REXO1: variants seen among roughly 807,000 people sequenced by gnomAD.
REXO1 encodes the protein REX1, RNA exonuclease 1 homolog.
REXO1 carries 42 observed loss-of-function variants against 102.6 expected under a neutral mutation model. The observed-to-expected ratio is 0.41, with a 90% confidence interval of 0.32 to 0.53. The LOEUF (loss-of-function observed/expected upper bound fraction) is 0.53, where lower values mean the gene tolerates loss of function less well. REXO1 is among the 20% of genes least tolerant of loss of function. REXO1 has a pLI of 0.27. For missense variants in REXO1, 1,819 were observed against 1,732.5 expected, an observed-to-expected ratio of 1.05 and a Z score of -0.89; for synonymous variants, 908 against 779.1, an observed-to-expected ratio of 1.17 and a Z score of -2.76.
chr19:1,815,573 A>C lies in REXO1; in HGVS notation c.*493T>G. 26 of 628,110 alleles carry C rather than the reference A, an allele frequency of 4.1e-5. No homozygotes were observed. Among genetic ancestry groups the C allele is most frequent in the East Asian group, 8.0e-5 (1 of 12,520 alleles). 38.9% of individuals were successfully genotyped at this position (628,110 alleles called of 1,614,324 possible). On this transcript the variant is annotated 3_prime_UTR_variant, in exon 16 of 16. Transcript: ENST00000170168. The surrounding 1 kb of genome is among the most constrained non-coding windows in gnomAD (Gnocchi z 4.0). Reference sequence around the variant, plus strand: ...GTCTGTCCCACCCCCACCCCGCAGGAGGGAAGGCAGCAGGCCCGCTCTTCC... The same window carrying C: ...GTCTGTCCCACCCCCACCCCGCAGGCGGGAAGGCAGCAGGCCCGCTCTTCC...
intron 1 of REXO1, among the ~76,000 whole-genome samples, chr19:1,828,984 G>A (rs1334123595): frequency 6.6e-6 from 1 of 152,272 alleles, no homozygotes; most frequent in Admixed American, 6.5e-5. Flanking sequence ...GCAGGCGGGT[G>A]TGGAGCTCCC....
chr19:1,827,431 C>T lies in REXO1; in HGVS notation c.1358G>A (p.Arg453Gln), dbSNP rs768816944. 1.5e-5 allele frequency: 24 copies of T among 1,550,984 alleles called. No homozygotes were observed. Among genetic ancestry groups the T allele is most frequent in the Middle Eastern group, 1.8e-4 (1 of 5,448 alleles). Residue 453 changes from arginine (R) to glutamine (Q), a missense_variant, in exon 2 of 16, where the codon CGG (arginine) becomes CAG (glutamine). By Grantham distance (43) the Arg-to-Gln change is conservative. Transcript: ENST00000170168. ...VATSGKGRPD[R>Q]PARRPSPTSG... ...TGTGGGGCTCGGCCGCCGCGCTGGC[C>T]GGTCAGGCCTCCCTTTCCCTGAGGT... is the stretch of plus-strand genomic sequence containing the variant.
rs773232891 is a variant in REXO1, at chr19:1,827,299, G to A, written c.1490C>T (p.Ala497Val). The change falls in exon 2 of 16, where the codon GCC becomes GTC. Residue 497 changes from alanine (A) to valine (V), a missense_variant. Physicochemically the swap from Ala to Val is moderately conservative, Grantham distance 64. Coordinates refer to ENST00000170168, the MANE Select transcript of REXO1 (RefSeq NM_020695.4). Reference sequence around the variant, plus strand: ...GGAGGCGCCCTCGTCTAGTGAGCGGGCTTTCCGCTCCACTAGCTTCCCCGA... The same window carrying A: ...GGAGGCGCCCTCGTCTAGTGAGCGGACTTTCCGCTCCACTAGCTTCCCCGA... ...APSGKLVERK[A>V]RSLDEGASQD... 40 of 1,563,756 alleles carry A rather than the reference G, an allele frequency of 2.6e-5. No individual in the cohort carries two copies. The highest frequency in any genetic ancestry group is 9.4e-5 in the East Asian group (4 of 42,576).
In REXO1 at chr19:1,827,928, T is replaced by G. The variant is rs144940979; in HGVS notation, c.861A>C (p.Ser287=). The G allele has an allele frequency of 1.0e-3, 1,609 of 1,613,736 alleles. 2 individuals are homozygous for G. Among genetic ancestry groups the G allele is most frequent in the Non-Finnish European group, 1.3e-3 (1,498 of 1,179,868 alleles). ...CCGTGGCGGCCTCATCTTCTGAGTC[T>G]GAGAACCTTGCATCGCAACTGCCAA... ...DPFGSCDARF[S]DSEDEAATVP... The change falls in exon 2 of 16, where the codon TCA becomes TCC. Residue 287 remains serine (S), a synonymous_variant. Transcript: ENST00000170168.
chr19:1,840,662 C>T (rs1434141264), intron 1 of REXO1, among the ~76,000 whole-genome samples: 1 of 151,966 alleles, frequency 6.6e-6, no homozygotes. Context: ...TGAGTGACAC[C>T]CGGGCCCGCC....
Position 1,815,907 on chromosome 19 carries a change from G to A in REXO1, c.*159C>T, listed in dbSNP as rs1279941917. On this transcript the variant is annotated 3_prime_UTR_variant, in exon 16 of 16. Coordinates refer to ENST00000170168, the MANE Select transcript of REXO1 (RefSeq NM_020695.4). The surrounding 1 kb of genome is among the most constrained non-coding windows in gnomAD (Gnocchi z 4.0). ...TGCGGCAGGACGTGAGCGGGGGTGG[G>A]CTGGGCTGGGCGTTCTCTGGCCGCC... is the stretch of plus-strand genomic sequence containing the variant. 2.6e-6 allele frequency: 4 copies of A among 1,530,778 alleles called. No individual in the cohort carries two copies. In the African/African-American group the frequency reaches 5.5e-5, roughly 21 times the overall value. 94.8% of individuals were successfully genotyped at this position (1,530,778 alleles called of 1,614,324 possible).
intron 3 of REXO1, among the ~76,000 whole-genome samples, chr19:1,825,299 C>CAAAAAAAAA (rs34910037): frequency 1.6e-5 from 1 of 61,192 alleles, no homozygotes; most frequent in Admixed American, 2.0e-4. Context: ...GACTCCGTCT[C>CAAAAAAAAA]AAAAAAAAAA....
At chr19:1,816,920 C>A in intron 12 of REXO1, 107 bp from the exon 13 acceptor site, 1 of 876,366 alleles carries the variant, frequency 1.1e-6, no homozygotes. Flanking sequence ...AGGCAGTGAC[C>A]AGAGACTCTG....
At chr19:1,845,794 G>A (rs907503937) in intron 1 of REXO1, among the ~76,000 whole-genome samples, 2 of 152,148 alleles carry the variant, frequency 1.3e-5, no homozygotes, top group African/African-American at 4.8e-5. Context: ...GGGCCCAGGA[G>A]CACCAGCCAC....
At chr19:1,825,042 G>A (rs950923539) in intron 3 of REXO1, among the ~76,000 whole-genome samples, 1 of 150,248 alleles carries the variant, frequency 6.7e-6, no homozygotes, top group Non-Finnish European at 1.5e-5. Flanking sequence ...ACCTCTGGGC[G>A]CAGTGCCTCA....
In REXO1 at chr19:1,816,048, G is replaced by A. The variant is rs2069351522; in HGVS notation, c.*18C>T. 1.9e-6 allele frequency: 3 copies of A among 1,540,700 alleles called. No homozygotes were observed. Among genetic ancestry groups the A allele is most frequent in the Middle Eastern group, 1.7e-4 (1 of 6,014 alleles). On this transcript the variant is annotated 3_prime_UTR_variant, in exon 16 of 16. Coordinates refer to ENST00000170168, the MANE Select transcript of REXO1 (RefSeq NM_020695.4). ...ACCAGCGGGACGGCAGGAGAGGCGG[G>A]TGGGAGGCGGGCAGGCGTCATCGCT...
rs990022759 is a variant in REXO1 at position 1,834,310 on chromosome 19, G to T, written c.158-5679C>A. ...CTTTTGGAAGGTCTTGGAAGGAATA[G>T]CACCTGCCTCCCAGGAGTGGAGCCA... On this transcript the variant is annotated intron_variant, in intron 1 of 15. Transcript: ENST00000170168. Among the ~76,000 whole-genome samples, 6 of 152,304 alleles carry T rather than the reference G, an allele frequency of 3.9e-5. No homozygotes were observed. In the South Asian group the frequency reaches 8.3e-4, roughly 21 times the overall value.
intron 13 of REXO1, 48 bp downstream of exon 13, chr19:1,816,650 G>A: frequency 1.3e-6 from 2 of 1,599,824 alleles, no homozygotes; most frequent in Non-Finnish European, 1.7e-6. Flanking sequence ...GGTCCCTGGG[G>A]AGAGGCGGCT....
chr19:1,834,370 G>A (rs1568710061), intron 1 of REXO1, among the ~76,000 whole-genome samples: 2 of 152,170 alleles, frequency 1.3e-5, no homozygotes, highest in Non-Finnish European at 2.9e-5. Context: ...GGTGATAAGG[G>A]TCCAATCTGG....
Position 1,821,484 on chromosome 19 carries a change from G to C in REXO1, c.2394+35C>G, listed in dbSNP as rs377353220. The C allele has an allele frequency of 4.3e-6, 7 of 1,612,530 alleles. No homozygotes were observed. In the African/African-American group the frequency reaches 6.7e-5, roughly 15 times the overall value. ...GGCCGGGCCTCAGGGCGTGGTCTTGGGGGTGGTGGTCCTGGCCGAGATGGG... is the reference window on the plus strand; with the variant it reads ...GGCCGGGCCTCAGGGCGTGGTCTTGCGGGTGGTGGTCCTGGCCGAGATGGG... On this transcript the variant is annotated intron_variant, in intron 5 of 15. Coordinates refer to ENST00000170168, the MANE Select transcript of REXO1 (RefSeq NM_020695.4).
intron 1 of REXO1, among the ~76,000 whole-genome samples, chr19:1,837,495 C>G (rs932753703): frequency 6.6e-6 from 1 of 152,218 alleles, no homozygotes; most frequent in Non-Finnish European, 1.5e-5. Context: ...GAGAGGGCTT[C>G]GAGGAAAAGT....
Position 1,818,998 on chromosome 19 carries a change from G to A in REXO1, c.2764+20C>T. 2 of 1,592,050 alleles carry A rather than the reference G, an allele frequency of 1.3e-6. No homozygotes were observed. The highest frequency in any genetic ancestry group is 1.7e-6 in the Non-Finnish European group (2 of 1,167,152). ...GAGGCCCACGAAGCACCGTGTGGCA[G>A]AGCAGGGGCAGGGCCTTACCTTTCA... On this transcript the variant is annotated intron_variant, in intron 8 of 15. Coordinates refer to ENST00000170168, the MANE Select transcript of REXO1 (RefSeq NM_020695.4).
chr19:1,842,133 T>A (rs2011312563), intron 1 of REXO1, among the ~76,000 whole-genome samples: 1 of 147,786 alleles, frequency 6.8e-6, no homozygotes, highest in Admixed American at 6.8e-5. Flanking sequence ...ATCACTTGAA[T>A]CCAGGAGGCG....
chr19:1,818,351 G>T, intron 10 of REXO1, 131 bp downstream of exon 10: 1 of 675,988 alleles, frequency 1.5e-6, no homozygotes, highest in South Asian at 1.9e-5. Context: ...GCCAAAGACG[G>T]TGCAGCCCAG....
Sources: gnomAD v4.1 joint callset for allele counts (sites outside exome capture counted in the v4.1 genomes callset) on GRCh38, gnomAD v4.1.1 for gene constraint, Gnocchi (gnomAD v3.1) non-coding constraint, MANE v1.5 for transcripts, NCBI Gene and HGNC (gene_info 2026-07-23, HGNC 2026-07-21) for gene names.